Variants in TMC5 observed in about 807,000 individuals in gnomAD.
TMC5 encodes transmembrane channel-like protein 5.
A neutral mutation model predicts 110.5 loss-of-function variants in TMC5; 86 were observed. The observed-to-expected ratio is 0.78, with a 90% CI of 0.65 to 0.93. The LOEUF (loss-of-function observed/expected upper bound fraction) is 0.93, where lower values mean the gene tolerates loss of function less well. Ranked by LOEUF, TMC5 falls within the 40% of genes least tolerant of loss-of-function variation. The pLI is 0.00. For synonymous variants in TMC5, 455 were observed against 439.5 expected, an observed-to-expected ratio of 1.04 and a Z score of -0.44; for missense variants, 1,144 against 1,222.8, an observed-to-expected ratio of 0.94 and a Z score of 0.96.
At chr16:19,478,790 TCATCCATCATCCATCCATTTACC>T (rs889665101) in intron 13 of TMC5, among the ~76,000 whole-genome samples, 1 of 151,914 alleles carries the variant, frequency 6.6e-6, no homozygotes, top group Non-Finnish European at 1.5e-5. Flanking sequence ...ATCTATCCAC[TCATCCATCATCCATCCATTTACC>T]CATCCATCAT....
In TMC5 at chr16:19,469,083, C is replaced by T. The variant is rs929807497; in HGVS notation, c.1638-598C>T. On this transcript the variant is annotated intron_variant, in intron 9 of 21. Coordinates refer to ENST00000542583, the MANE Select transcript of TMC5 (RefSeq NM_001261841.2). ...AGAACAAATTTGTGTTGTTTTTAGC[C>T]GCTAAGTTGGTGGTCATTTGCTATA... Among the ~76,000 whole-genome samples, 13 of 152,096 alleles carry T rather than the reference C, an allele frequency of 8.5e-5. No homozygotes were observed. In the East Asian group the frequency reaches 9.6e-4, roughly 11 times the overall value.
At chr16:19,446,765 A>G (rs1967623525) in intron 4 of TMC5, among the ~76,000 whole-genome samples, 1 of 152,220 alleles carries the variant, frequency 6.6e-6, no homozygotes, top group Admixed American at 6.5e-5. Context: ...ACAAAGCTCT[A>G]TAGAACATTG....
chr16:19,486,556 T>G lies in TMC5; in HGVS notation c.2364-389T>G, dbSNP rs142116817. 3.0e-3 allele frequency among the ~76,000 whole-genome samples: 452 copies of G among 152,256 alleles called. 6 individuals carry two copies. Among genetic ancestry groups the G allele is most frequent in the African/African-American group, 8.7e-3 (361 of 41,550 alleles). ...CATGCCTGGCTAATTTTTGTATTTT[T>G]TGTAGAGATGGGGTTTCACCATGTT... On this transcript the variant is annotated intron_variant, in intron 15 of 21. Transcript: ENST00000542583.
At chr16:19,433,545 A>G (rs1967238100) in intron 2 of TMC5, among the ~76,000 whole-genome samples, 1 of 152,184 alleles carries the variant, frequency 6.6e-6, no homozygotes, top group Non-Finnish European at 1.5e-5. Flanking sequence ...CCTGGCTTTC[A>G]TTACATTGTT....
chr16:19,479,386 A>G (rs1214692180), intron 13 of TMC5, 45 bp from the exon 14 acceptor site: 3 of 1,407,200 alleles, frequency 2.1e-6, no homozygotes, highest in Non-Finnish European at 2.0e-6. Flanking sequence ...AATTGAGCTG[A>G]GGCCACAGCC....
At chr16:19,416,021 A>C (rs907481580), upstream of TMC5, among the ~76,000 whole-genome samples, 3 of 152,088 alleles carry the variant, frequency 2.0e-5, no homozygotes, top group Non-Finnish European at 4.4e-5. Flanking sequence ...TATCTATAAA[A>C]ATTTAAAATG....
intron 19 of TMC5, among the ~76,000 whole-genome samples, chr16:19,493,274 T>C (rs1338047462): frequency 1.3e-5 from 2 of 151,796 alleles, no homozygotes; most frequent in South Asian, 4.2e-4. Context: ...ATAAAGACTT[T>C]TAAAAATAAC....
At chr16:19,424,531 C>T (rs546397986) in intron 1 of TMC5, among the ~76,000 whole-genome samples, 2 of 152,070 alleles carry the variant, frequency 1.3e-5, no homozygotes, top group African/African-American at 4.8e-5. Flanking sequence ...CCCCTGTAAT[C>T]CCAGCTACTA....
chr16:19,471,530 C>T (rs1968341332), intron 10 of TMC5, among the ~76,000 whole-genome samples: 1 of 152,182 alleles, frequency 6.6e-6, no homozygotes, highest in Non-Finnish European at 1.5e-5. Flanking sequence ...TTAATTCCAA[C>T]TGTTTCTGAA....
Position 19,449,536 on chromosome 16 carries a change from C to G in TMC5, c.959-6C>G, listed in dbSNP as rs764363279. ...ATCGGCAATATCTCCTTCCTCTTCCCTCCAGTGAACCCTGCTTATGTAGGT... is the reference window on the plus strand; with the variant it reads ...ATCGGCAATATCTCCTTCCTCTTCCGTCCAGTGAACCCTGCTTATGTAGGT... On this transcript the variant is annotated splice_polypyrimidine_tract_variant and splice_region_variant and intron_variant, in intron 4 of 21. Transcript: ENST00000542583. 5.0e-6 allele frequency: 8 copies of G among 1,613,408 alleles called. No homozygotes were observed. The highest frequency in any genetic ancestry group is 5.1e-6 in the Non-Finnish European group (6 of 1,179,386).
intron 12 of TMC5, among the ~76,000 whole-genome samples, chr16:19,476,357 G>GAA (rs1567320806): frequency 6.6e-6 from 1 of 151,936 alleles, no homozygotes; most frequent in African/African-American, 2.4e-5. Context: ...AAGAAAGAAA[G>GAA]AGAGAAAGAG....
At chr16:19,473,910 G>A (rs1434118749) in intron 11 of TMC5, among the ~76,000 whole-genome samples, 1 of 152,136 alleles carries the variant, frequency 6.6e-6, no homozygotes, top group African/African-American at 2.4e-5. Flanking sequence ...AACCGAGGAA[G>A]TGGAAGTTTC....
chr16:19,438,141 C>T (rs1967388750), intron 2 of TMC5, among the ~76,000 whole-genome samples: 1 of 152,010 alleles, frequency 6.6e-6, no homozygotes, highest in African/African-American at 2.4e-5. Flanking sequence ...CCTGTAATCC[C>T]AGCACTTTGG....
intron 3 of TMC5, among the ~76,000 whole-genome samples, chr16:19,442,200 TC>T (rs1967504977): frequency 6.6e-6 from 1 of 152,238 alleles, no homozygotes; most frequent in Non-Finnish European, 1.5e-5. Context: ...CAATTTTTGT[TC>T]CTTGACAAAT....
At chr16:19,449,715 G>A (rs541874392) in intron 5 of TMC5, 84 bp downstream of exon 5, 4 of 1,249,122 alleles carry the variant, frequency 3.2e-6, no homozygotes, top group African/African-American at 2.9e-5. Flanking sequence ...GAGACCTGGT[G>A]GGAGGTGATT....
rs1968993378 is a variant in TMC5 at position 19,494,333 on chromosome 16, C to T, written c.2898C>T (p.Pro966=). 6.2e-7 allele frequency: 1 copy of T among 1,613,772 alleles called. No individual in the cohort carries two copies. Among genetic ancestry groups the T allele is most frequent in the Non-Finnish European group, 8.5e-7 (1 of 1,179,838 alleles). The stretch of plus-strand genomic sequence containing the variant: ...AGGATATGGAGAAGAAAGCAAACCC[C>T]AGCTCACTTGTTCTGGAAAGGAGAG... The part of the protein sequence containing the change: ...KLQDMEKKAN[P]SSLVLERREV... Residue 966 remains proline, a synonymous_variant, in exon 20 of 22, where the codon CCC becomes CCT. Coordinates refer to ENST00000542583, the MANE Select transcript of TMC5 (RefSeq NM_001261841.2).
intron 3 of TMC5, 44 bp from the exon 4 acceptor site, chr16:19,444,037 A>G: frequency 6.3e-7 from 1 of 1,576,602 alleles, no homozygotes; most frequent in Non-Finnish European, 8.7e-7. Flanking sequence ...GACAATCCTT[A>G]CTATACTCTT....
At chr16:19,460,585 G>A (rs190042386) in intron 6 of TMC5, among the ~76,000 whole-genome samples, 2 of 152,240 alleles carry the variant, frequency 1.3e-5, no homozygotes, top group East Asian at 3.9e-4. Context: ...GGAAGGAAGA[G>A]AGGGGTGTAA....
chr16:19,486,642 T>G (rs1337651714), intron 15 of TMC5, among the ~76,000 whole-genome samples: 3 of 152,108 alleles, frequency 2.0e-5, no homozygotes, highest in Non-Finnish European at 2.9e-5. Context: ...CCTCCCAAAG[T>G]TCTGGGATTA....
Sources: allele counts gnomAD v4.1 joint callset (sites outside exome capture counted in the v4.1 genomes callset), GRCh38; gene constraint gnomAD v4.1.1; transcripts MANE v1.5; gene names NCBI Gene and HGNC (gene_info 2026-07-23, HGNC 2026-07-21).